BACH2: variants seen among roughly 807,000 people sequenced by gnomAD.
BACH2 encodes the protein BACH transcriptional regulator 2.
BACH2 carries 5 observed loss-of-function variants against 61.8 expected under a neutral mutation model. That is an observed-to-expected ratio of 0.08 (90% CI 0.04 to 0.17). The LOEUF is 0.17. Among genes scored for constraint, BACH2 ranks in the 10% least tolerant of loss-of-function variants. The probability of loss-of-function intolerance (pLI) is 1.00; values close to 1 mark genes in which losing one functional copy is unlikely to be tolerated. For missense variants in BACH2, 824 were observed against 1,091.1 expected (o/e 0.76, Z 3.45); for synonymous variants, 446 against 440.1 (o/e 1.01, Z -0.17).
chr6:89,973,247 T>TA (rs71027916), intron 6 of BACH2, among the ~76,000 whole-genome samples: 80,880 of 150,388 alleles, frequency 0.54, 21,638 homozygotes, highest in African/African-American at 0.54. Flanking sequence ...AGAATGAAAA[T>TA]AAAAAAATAA....
chr6:90,188,771 A>G (rs1768450189), intron 4 of BACH2, among the ~76,000 whole-genome samples: 1 of 151,452 alleles, frequency 6.6e-6, no homozygotes, highest in Non-Finnish European at 1.5e-5. Flanking sequence ...AAAAAAAAAA[A>G]AAAAAAAAGC....
At chr6:90,000,344 T>G (rs929552017) in intron 6 of BACH2, among the ~76,000 whole-genome samples, 1 of 152,216 alleles carries the variant, frequency 6.6e-6, no homozygotes, top group African/African-American at 2.4e-5. Context: ...ACTTGAAAAC[T>G]TCTCATTTGC....
chr6:90,095,669 A>C (rs574318160), intron 4 of BACH2, among the ~76,000 whole-genome samples: 9 of 152,324 alleles, frequency 5.9e-5, no homozygotes, highest in African/African-American at 2.2e-4. Context: ...ATGTGTTGAA[A>C]GTACATAATT....
chr6:90,181,914 A>G (rs144483665), intron 4 of BACH2, among the ~76,000 whole-genome samples: 141 of 152,308 alleles, frequency 9.3e-4, no homozygotes, highest in African/African-American at 3.2e-3. Flanking sequence ...CTGCAGTCTG[A>G]GCCCTGAAGG....
intron 1 of BACH2, among the ~76,000 whole-genome samples, chr6:90,272,835 A>G (rs1276401032): frequency 6.6e-6 from 1 of 152,136 alleles, no homozygotes; most frequent in Non-Finnish European, 1.5e-5. Flanking sequence ...AAAATTGGCC[A>G]GCGTGCTGCT....
chr6:90,061,882 T>C (rs1451457463), intron 5 of BACH2, among the ~76,000 whole-genome samples: 2 of 152,168 alleles, frequency 1.3e-5, no homozygotes, highest in East Asian at 3.9e-4. Flanking sequence ...TCAGAGACTT[T>C]AATGGAGTGT....
intron 4 of BACH2, among the ~76,000 whole-genome samples, chr6:90,194,360 G>T (rs1290912537): frequency 6.6e-6 from 1 of 151,842 alleles, no homozygotes; most frequent in Admixed American, 6.6e-5. Context: ...AAAATGAAAT[G>T]ATAACTATCT....
chr6:90,029,825 T>C (rs187957595), intron 5 of BACH2, among the ~76,000 whole-genome samples: 135 of 152,316 alleles, frequency 8.9e-4, no homozygotes, highest in African/African-American at 3.1e-3. Context: ...TATCCATTTA[T>C]CCACAGAAAA....
intron 6 of BACH2, among the ~76,000 whole-genome samples, chr6:89,958,610 A>G (rs779549024): frequency 6.6e-6 from 1 of 152,196 alleles, no homozygotes; most frequent in Non-Finnish European, 1.5e-5. Context: ...CTGGGGAGAC[A>G]GATGTTCAAT....
intron 6 of BACH2, among the ~76,000 whole-genome samples, chr6:89,999,620 G>A (rs1404040876): frequency 6.6e-6 from 1 of 152,112 alleles, no homozygotes; most frequent in African/African-American, 2.4e-5. Context: ...TAATAGTTAT[G>A]ATGACTGATC....
chr6:90,285,702 C>T (rs1352334267), intron 1 of BACH2, among the ~76,000 whole-genome samples: 1 of 152,198 alleles, frequency 6.6e-6, no homozygotes, highest in Non-Finnish European at 1.5e-5. Context: ...GACCACAGAT[C>T]TGAAAATAGC....
At chr6:90,076,203 T>A (rs1781463964) in intron 5 of BACH2, among the ~76,000 whole-genome samples, 1 of 152,118 alleles carries the variant, frequency 6.6e-6, no homozygotes, top group South Asian at 2.1e-4. Context: ...TAGGTGAGAT[T>A]TAAAGACACG....
At chr6:90,141,544 T>TA (rs1230894285) in intron 4 of BACH2, among the ~76,000 whole-genome samples, 2 of 150,998 alleles carry the variant, frequency 1.3e-5, no homozygotes, top group Non-Finnish European at 1.5e-5. Context: ...TACCTGAATA[T>TA]AAGGTAGCCT....
chr6:90,275,557 T>C (rs1771662792), intron 1 of BACH2, among the ~76,000 whole-genome samples: 1 of 152,202 alleles, frequency 6.6e-6, no homozygotes, highest in Non-Finnish European at 1.5e-5. Flanking sequence ...TATGGGTAAC[T>C]TGCGTCATGG....
At chr6:90,108,384 G>A (rs1783017759) in intron 4 of BACH2, among the ~76,000 whole-genome samples, 1 of 152,134 alleles carries the variant, frequency 6.6e-6, no homozygotes, top group South Asian at 2.1e-4. Context: ...TGTCTCAAAA[G>A]GCGAAAAGAG....
chr6:90,042,619 A>T (rs1450253260), intron 5 of BACH2, among the ~76,000 whole-genome samples: 2 of 152,208 alleles, frequency 1.3e-5, no homozygotes, highest in African/African-American at 4.8e-5. Flanking sequence ...GAAACCACAC[A>T]TGAGCACATA....
chr6:90,038,691 T>G (rs1779381379), intron 5 of BACH2, among the ~76,000 whole-genome samples: 1 of 152,130 alleles, frequency 6.6e-6, no homozygotes, highest in Non-Finnish European at 1.5e-5. Context: ...GATGCCTATT[T>G]AAGCAAAGAT....
At chr6:89,970,338 T>C (rs1450004789) in intron 6 of BACH2, among the ~76,000 whole-genome samples, 1 of 152,198 alleles carries the variant, frequency 6.6e-6, no homozygotes, top group Admixed American at 6.5e-5. Flanking sequence ...TCCTGACTCT[T>C]GGCGGGCAGA....
chr6:90,183,674 TA>T (rs1296077929), intron 4 of BACH2, among the ~76,000 whole-genome samples: 1 of 152,242 alleles, frequency 6.6e-6, no homozygotes, highest in African/African-American at 2.4e-5. Context: ...GTTACTGGAA[TA>T]ACTCATTCTA....
Sources: gnomAD v4.1 joint callset for allele counts (sites outside exome capture counted in the v4.1 genomes callset) on GRCh38, gnomAD v4.1.1 for gene constraint, MANE v1.5 for transcripts, NCBI Gene and HGNC (gene_info 2026-07-23, HGNC 2026-07-21) for gene names.